Variants in SLC27A1 observed in about 807,000 individuals in gnomAD.
SLC27A1 encodes long-chain fatty acid transport protein 1.
A neutral mutation model predicts 62.2 loss-of-function variants in SLC27A1; 61 were observed. The observed-to-expected ratio is 0.98, with a 90% CI of 0.80 to 1.21. The LOEUF is 1.21. SLC27A1 is among the 50% of genes most tolerant of loss of function. The pLI is 0.00. For synonymous variants in SLC27A1, 435 were observed against 408.6 expected, an observed-to-expected ratio of 1.06 and a Z score of -0.78; for missense variants, 903 against 932.1, an observed-to-expected ratio of 0.97 and a Z score of 0.41.
In SLC27A1 at chr19:17,484,774, A is replaced by G. The variant is rs950987800; in HGVS notation, c.168-1789A>G. On this transcript the variant is annotated intron_variant, in intron 1 of 11. Transcript: ENST00000252595. ...TGAATGACCGAGAGGATGAATGAAT[A>G]TAGGTGCTGAAGTCCACTGTGAACA... 5.9e-5 allele frequency among the ~76,000 whole-genome samples: 9 copies of G among 152,340 alleles called. No individual in the cohort carries two copies. The South Asian group carries it at 1.9e-3, about 32-fold the overall frequency.
intron 6 of SLC27A1, among the ~76,000 whole-genome samples, chr19:17,490,326 A>AT (rs908624972): frequency 1.3e-5 from 2 of 151,184 alleles, no homozygotes; most frequent in Admixed American, 6.6e-5. Flanking sequence ...CCACTTTTGA[A>AT]TTTTTTTTGT....
chr19:17,495,283 A>AAT (rs566723598), intron 6 of SLC27A1: 1 of 129,920 alleles, frequency 7.7e-6, no homozygotes, highest in Non-Finnish European at 1.6e-5. Flanking sequence ...CCATGTGCCC[A>AAT]TTTTTTTTTT....
intron 6 of SLC27A1, chr19:17,495,509 C>T (rs529038064): frequency 6.7e-6 from 1 of 148,900 alleles, no homozygotes; most frequent in African/African-American, 2.5e-5. Context: ...GTCTCGATCT[C>T]CTGACCTCGT....
Position 17,505,085 on chromosome 19 carries a change from G to A in SLC27A1, c.*473G>A. The A allele has an allele frequency of 5.6e-6, 2 of 355,954 alleles. No homozygotes were observed. The highest frequency in any genetic ancestry group is 2.2e-5 in the South Asian group (1 of 46,282). 22.0% of individuals were successfully genotyped at this position (355,954 alleles called of 1,614,324 possible). On this transcript the variant is annotated 3_prime_UTR_variant, in exon 12 of 12. Coordinates refer to ENST00000252595, the MANE Select transcript of SLC27A1 (RefSeq NM_198580.3). Reference sequence around the variant, plus strand: ...ATTTTTATATTTTTAGTAGAGACGGGGTTTCACCATGTTGGTCAGGTTGGT... The same window carrying A: ...ATTTTTATATTTTTAGTAGAGACGGAGTTTCACCATGTTGGTCAGGTTGGT...
chr19:17,501,682 A>G (rs1568425621), intron 11 of SLC27A1, among the ~76,000 whole-genome samples: 1 of 151,648 alleles, frequency 6.6e-6, no homozygotes, highest in Non-Finnish European at 1.5e-5. Context: ...GGGTGCCTGT[A>G]GTCCCAGCTA....
At chr19:17,471,393 TG>T (rs576470424) in intron 1 of SLC27A1, among the ~76,000 whole-genome samples, 1 of 151,716 alleles carries the variant, frequency 6.6e-6, no homozygotes, top group South Asian at 2.1e-4. Flanking sequence ...AGGACTTGTT[TG>T]GGGGGTCTCT....
At position 17,470,603 on chromosome 19, in the gene SLC27A1, G is replaced by T. The variant is rs1164613039; in HGVS notation, c.63G>T (p.Gly21=). Residue 21 remains glycine, a synonymous_variant, in exon 1 of 12, where the codon GGG becomes GGT. Coordinates refer to ENST00000252595, the MANE Select transcript of SLC27A1 (RefSeq NM_198580.3). ...CGCTGGCGCTGTTGTGGCTGCTGGG[G>T]CTGCCGTGGACCTGGAGCGCGGCAG... ...VVSLALLWLL[G]LPWTWSAAAA... 6.4e-7 allele frequency: 1 copy of T among 1,569,314 alleles called. No homozygotes were observed. Among genetic ancestry groups the T allele is most frequent in the Middle Eastern group, 1.8e-4 (1 of 5,540 alleles).
Position 17,487,539 on chromosome 19 carries a change from CCA to C in SLC27A1, c.794+13_794+14del. The C allele has an allele frequency of 6.2e-7, 1 of 1,610,470 alleles. No homozygotes were observed. Among genetic ancestry groups the C allele is most frequent in the Non-Finnish European group, 8.5e-7 (1 of 1,179,568 alleles). On this transcript the variant is annotated intron_variant, in intron 4 of 11. Transcript: ENST00000252595. The stretch of plus-strand genomic sequence containing the variant: ...TTGTCGTGCACAGCAGGTGAGGGGC[CCA>C]CAGGCATAATGCCCTCAGCCGCTGA...
chr19:17,493,871 C>T (rs1296671685), intron 6 of SLC27A1, among the ~76,000 whole-genome samples: 2 of 152,096 alleles, frequency 1.3e-5, no homozygotes, highest in African/African-American at 2.4e-5. Context: ...GGTGATCTGC[C>T]TGCCCCAGCC....
chr19:17,494,881 C>A (rs931701746), intron 6 of SLC27A1, among the ~76,000 whole-genome samples: 1 of 151,702 alleles, frequency 6.6e-6, no homozygotes, highest in African/African-American at 2.4e-5. Context: ...AGATTTGCGC[C>A]CTATGCGGAT....
Position 17,500,301 on chromosome 19 carries a change from C to G in SLC27A1, c.1230C>G (p.Ser410Arg). 6.2e-7 allele frequency: 1 copy of G among 1,614,204 alleles called. No homozygotes were observed. The highest frequency in any genetic ancestry group is 8.5e-7 in the Non-Finnish European group (1 of 1,180,010). ...AGGTCGGCTCCTGTGGTTTCAACAG[C>G]CGCATCCTGCCCCACGTGTACCCCA... Reference protein sequence around the residue: ...DGKVGSCGFNSRILPHVYPIR... With the variant: ...DGKVGSCGFNRRILPHVYPIR... The change falls in exon 8 of 12, where the codon AGC becomes AGG. Residue 410 changes from serine (S) to arginine (R), a missense_variant. Ser to Arg is a moderately radical substitution (Grantham distance 110, BLOSUM62 -1). Coordinates refer to ENST00000252595, the MANE Select transcript of SLC27A1 (RefSeq NM_198580.3).
At chr19:17,488,653 T>G in intron 4 of SLC27A1, 195 bp from the exon 5 acceptor site, 1 of 617,184 alleles carries the variant, frequency 1.6e-6, no homozygotes, top group East Asian at 2.8e-5. Context: ...CTATGCCCCT[T>G]GACCCTATTA....
chr19:17,491,881 T>C (rs371899363), intron 6 of SLC27A1, among the ~76,000 whole-genome samples: 1 of 151,368 alleles, frequency 6.6e-6, no homozygotes, highest in Non-Finnish European at 1.5e-5. Flanking sequence ...CTCAAAAAAA[T>C]AAAAAAAAGA....
In SLC27A1 at chr19:17,500,618, G is replaced by A; in HGVS notation, c.1457G>A (p.Ser486Asn). ...IAHSVFSKGDSAYLSGDVLVM... is the reference protein window; with the variant it reads ...IAHSVFSKGDNAYLSGDVLVM... Reference sequence around the variant, plus strand: ...CACAGCGTCTTCAGCAAGGGCGACAGCGCCTACCTCTCAGGTGCGCAGCCT... The same window carrying A: ...CACAGCGTCTTCAGCAAGGGCGACAACGCCTACCTCTCAGGTGCGCAGCCT... The change falls in exon 9 of 12, where the codon AGC (serine) becomes AAC (asparagine). Residue 486 changes from serine to asparagine, a missense_variant. Transcript: ENST00000252595. The A allele has an allele frequency of 6.2e-7, 1 of 1,613,806 alleles. No individual in the cohort carries two copies. Among genetic ancestry groups the A allele is most frequent in the Non-Finnish European group, 8.5e-7 (1 of 1,179,990 alleles).
Position 17,505,117 on chromosome 19 carries a change from C to A in SLC27A1, c.*505C>A. ...CCATGTTGGTCAGGTTGGTCTTGAA[C>A]TCCTGACCTCAGGTGATCCGCTGGC... On this transcript the variant is annotated 3_prime_UTR_variant, in exon 12 of 12. Coordinates refer to ENST00000252595, the MANE Select transcript of SLC27A1 (RefSeq NM_198580.3). 5.7e-6 allele frequency: 2 copies of A among 349,644 alleles called. No individual in the cohort carries two copies. Among genetic ancestry groups the A allele is most frequent in the South Asian group, 2.2e-5 (1 of 45,158 alleles). 21.7% of individuals were successfully genotyped at this position (349,644 alleles called of 1,614,324 possible).
At position 17,504,887 on chromosome 19, in the gene SLC27A1, T is replaced by G; in HGVS notation, c.*275T>G. The G allele has an allele frequency of 1.6e-6, 1 of 611,568 alleles. No individual in the cohort carries two copies. The highest frequency in any genetic ancestry group is 3.0e-6 in the Non-Finnish European group (1 of 329,102). The allele number at this position is 611,568 out of a possible 1,614,324, so 37.9% of individuals were successfully genotyped here. The stretch of plus-strand genomic sequence containing the variant: ...CCTTAACTCTTCCCTCTTTTTCTTT[T>G]CTTTCTTTCTTTCTTTTTTTTTTAA... On this transcript the variant is annotated 3_prime_UTR_variant, in exon 12 of 12. Transcript: ENST00000252595.
intron 7 of SLC27A1, chr19:17,499,439 C>G (rs1449592502): frequency 6.6e-6 from 1 of 152,008 alleles, no homozygotes; most frequent in African/African-American, 2.4e-5. Flanking sequence ...TGTCTATGAT[C>G]TAGATCTAGT....
intron 1 of SLC27A1, among the ~76,000 whole-genome samples, chr19:17,473,480 A>ACCTAAGCTGTCCC (rs2075095611): frequency 6.6e-6 from 1 of 152,122 alleles, no homozygotes; most frequent in Non-Finnish European, 1.5e-5. Flanking sequence ...CTTGTCTGAC[A>ACCTAAGCTGTCCC]CCTAAGCTGT....
intron 6 of SLC27A1, chr19:17,496,401 G>A (rs1307574141): frequency 8.4e-6 from 1 of 118,468 alleles, no homozygotes; most frequent in Non-Finnish European, 2.0e-5. Flanking sequence ...CGGGGCTTGA[G>A]AATGTGTGGC....
Sources: allele counts gnomAD v4.1 joint callset (sites outside exome capture counted in the v4.1 genomes callset), GRCh38; gene constraint gnomAD v4.1.1; transcripts MANE v1.5; gene names NCBI Gene and HGNC (gene_info 2026-07-23, HGNC 2026-07-21).